Variants in FCSK observed in about 807,000 individuals in gnomAD.
The protein encoded by FCSK is L-fucose kinase.
Under a neutral mutation model 122.5 loss-of-function variants are expected in FCSK, and 123 were observed. That is an observed-to-expected ratio of 1.00 (90% CI 0.87 to 1.17). The LOEUF (loss-of-function observed/expected upper bound fraction) is 1.17, where lower values mean the gene tolerates loss of function less well. Among genes scored for constraint, FCSK ranks in the 50% most tolerant of loss-of-function variants. FCSK has a pLI of 0.00. For missense variants in FCSK, 1,366 were observed against 1,450.4 expected (o/e 0.94, Z 0.95); for synonymous variants, 620 against 625.5 (o/e 0.99, Z 0.13).
chr16:70,468,227 G>C (rs2048487308), intron 8 of FCSK, among the ~76,000 whole-genome samples: 1 of 152,180 alleles, frequency 6.6e-6, no homozygotes, highest in Non-Finnish European at 1.5e-5. Context: ...TTCGAGACCA[G>C]TCTGGGCAAC....
Position 70,478,443 on chromosome 16 carries a change from C to T in FCSK, c.2813C>T (p.Ala938Val). The T allele has an allele frequency of 6.2e-7, 1 of 1,614,076 alleles. No homozygotes were observed. The highest frequency in any genetic ancestry group is 8.5e-7 in the Non-Finnish European group (1 of 1,180,032). ...LLVYTGKTRL[A>V]RNLLQDVLRS... is the part of the protein sequence containing the mutation. Reference sequence around the variant, plus strand: ...GTGTACACTGGCAAGACCCGCCTGGCTCGGAACCTGCTGCAGGTGAGCTCT... The same window carrying T: ...GTGTACACTGGCAAGACCCGCCTGGTTCGGAACCTGCTGCAGGTGAGCTCT... The change falls in exon 21 of 24, where the codon GCT becomes GTT. Residue 938 changes from alanine (A) to valine (V), a missense_variant. Physicochemically the swap from Ala to Val is moderately conservative, Grantham distance 64. Transcript: ENST00000288078.
Position 70,470,376 on chromosome 16 carries a change from C to T in FCSK, c.1018C>T (p.Leu340Phe). ...TSSASEFLLS[L>F]TLPGAPGAQI... ...CTCAGCCAGTGAGTTCCTGCTCAGC[C>T]TCACACTCCCCGGGGCTCCTGGGGC... Residue 340 changes from leucine (L) to phenylalanine (F), a missense_variant, in exon 11 of 24, where the codon CTC becomes TTC. By Grantham distance (22) the Leu-to-Phe change is conservative. Transcript: ENST00000288078. The T allele has an allele frequency of 6.2e-7, 1 of 1,613,982 alleles. No individual in the cohort carries two copies. Among genetic ancestry groups the T allele is most frequent in the Non-Finnish European group, 8.5e-7 (1 of 1,179,996 alleles).
chr16:70,455,510 A>C (rs187565678), intron 1 of FCSK, among the ~76,000 whole-genome samples: 2 of 151,148 alleles, frequency 1.3e-5, no homozygotes, highest in Admixed American at 6.6e-5. Flanking sequence ...CAAACCAACA[A>C]CAACAACAAC....
chr16:70,461,049 G>A (rs1454490294), intron 1 of FCSK, among the ~76,000 whole-genome samples: 1 of 152,242 alleles, frequency 6.6e-6, no homozygotes, highest in Non-Finnish European at 1.5e-5. Context: ...CTGCTGGGCT[G>A]AGTAGGGAAT....
rs1006326414 is a variant in FCSK, at chr16:70,474,692, C to T, written c.2153C>T (p.Ser718Phe). The change falls in exon 17 of 24, where the codon TCT (serine) becomes TTT (phenylalanine). Residue 718 changes from serine to phenylalanine, a missense_variant and splice_region_variant. By Grantham distance (155) the Ser-to-Phe change is radical. Coordinates refer to ENST00000288078, the MANE Select transcript of FCSK (RefSeq NM_145059.3). ...VAECPARVDF[S>F]GGWSDTPPLA... ...GAGTGCCCGGCCCGTGTGGATTTCT[C>T]TGGTGAGCCCCTTGTGGCAGGTGGG... is the stretch of plus-strand genomic sequence containing the variant. 1.4e-5 allele frequency: 22 copies of T among 1,598,894 alleles called. No individual in the cohort carries two copies. The highest frequency in any genetic ancestry group is 5.3e-5 in the African/African-American group (4 of 74,782).
intron 14 of FCSK, 146 bp from the exon 15 acceptor site, chr16:70,472,837 C>A (rs2048671474): frequency 9.7e-7 from 1 of 1,027,894 alleles, no homozygotes; most frequent in African/African-American, 1.6e-5. Flanking sequence ...GGATGCCAGG[C>A]AGCCTGGCCC....
In FCSK at chr16:70,469,335, C is replaced by T. The variant is rs1354577313; in HGVS notation, c.955+12C>T. The T allele has an allele frequency of 6.3e-7, 1 of 1,575,168 alleles. No homozygotes were observed. Among genetic ancestry groups the T allele is most frequent in the East Asian group, 2.2e-5 (1 of 44,662 alleles). On this transcript the variant is annotated intron_variant, in intron 10 of 23. Coordinates refer to ENST00000288078, the MANE Select transcript of FCSK (RefSeq NM_145059.3). The stretch of plus-strand genomic sequence containing the variant: ...GCCCCTTACCATGGGTGGGTACTGC[C>T]TCTCAGCTCCCTGGGGTGGGGAGAC...
At chr16:70,472,655 C>A in intron 14 of FCSK, 50 bp downstream of exon 14, 1 of 1,447,048 alleles carries the variant, frequency 6.9e-7, no homozygotes, top group Non-Finnish European at 9.6e-7. Flanking sequence ...GCTGGGGTGG[C>A]TGCTGCTCTT....
intron 1 of FCSK, among the ~76,000 whole-genome samples, chr16:70,462,747 C>T (rs1473164557): frequency 2.0e-5 from 3 of 152,184 alleles, no homozygotes; most frequent in Admixed American, 6.6e-5. Context: ...TGGGTTCAAG[C>T]GATTCTCCTG....
In FCSK at chr16:70,479,861, G is replaced by A. The variant is rs998089085; in HGVS notation, c.*181G>A. 2.3e-5 allele frequency: 13 copies of A among 563,550 alleles called. No individual in the cohort carries two copies. The highest frequency in any genetic ancestry group is 1.5e-4 in the African/African-American group (8 of 53,252). 34.9% of individuals were successfully genotyped at this position (563,550 alleles called of 1,614,324 possible). On this transcript the variant is annotated 3_prime_UTR_variant, in exon 24 of 24. Transcript: ENST00000288078. ...GCCTGGGACAGGACTGTGACCTGGT[G>A]GACAGGGGCCTAGATGTAGCCTCTG...
At chr16:70,455,183 C>A (rs1212506058) in intron 1 of FCSK, among the ~76,000 whole-genome samples, 1 of 152,198 alleles carries the variant, frequency 6.6e-6, no homozygotes, top group African/African-American at 2.4e-5. Flanking sequence ...CCCTGACCCA[C>A]CTGTCTTCAA....
chr16:70,457,236 TG>T (rs948827958), intron 1 of FCSK, among the ~76,000 whole-genome samples: 1 of 152,040 alleles, frequency 6.6e-6, no homozygotes, highest in Non-Finnish European at 1.5e-5. Context: ...TCAGAACTTC[TG>T]GGCCATTGGA....
chr16:70,474,870 C>A lies in FCSK; in HGVS notation c.2236C>A (p.Arg746=). ...CCTGGCTGTGCGAGTGGACGGCCGC[C>A]GGCCCATCGGAGCCAGGGCACGCCG... is the stretch of plus-strand genomic sequence containing the variant. ...LGLAVRVDGR[R]PIGARARRIP... is the part of the protein sequence containing the mutation. The change falls in exon 18 of 24, where the codon CGG becomes AGG. Residue 746 remains arginine, a synonymous_variant. Coordinates refer to ENST00000288078, the MANE Select transcript of FCSK (RefSeq NM_145059.3). The A allele has an allele frequency of 6.3e-7, 1 of 1,599,520 alleles. No individual in the cohort carries two copies.
chr16:70,458,098 C>T (rs747492054), intron 1 of FCSK: 1 of 151,438 alleles, frequency 6.6e-6, no homozygotes, highest in Non-Finnish European at 1.5e-5. Context: ...AATCACAGCA[C>T]CTTAACTGTG....
intron 1 of FCSK, among the ~76,000 whole-genome samples, chr16:70,459,811 T>C (rs537627474): frequency 1.6e-4 from 25 of 151,966 alleles, no homozygotes; most frequent in African/African-American, 6.0e-4. Flanking sequence ...TCATCTTTTT[T>C]TTTTTTCGAG....
intron 6 of FCSK, 183 bp from the exon 7 acceptor site, chr16:70,467,191 G>C: frequency 1.6e-6 from 1 of 623,728 alleles, no homozygotes; most frequent in South Asian, 1.9e-5. Flanking sequence ...AGGGCTCTGC[G>C]GAAGAACTTT....
Position 70,470,451 on chromosome 16 carries a change from G to A in FCSK, c.1068+25G>A. On this transcript the variant is annotated intron_variant, in intron 11 of 23. Coordinates refer to ENST00000288078, the MANE Select transcript of FCSK (RefSeq NM_145059.3). ...GGTGAGACCTCCCTGCCCCTCCGGT[G>A]CCTGCTGGTTGTCTGGGGTCAGGTG... The A allele has an allele frequency of 2.1e-6, 3 of 1,439,516 alleles. 1 individual carries two copies. Among genetic ancestry groups the A allele is most frequent in the Non-Finnish European group, 2.9e-6 (3 of 1,028,990 alleles). The allele number at this position is 1,439,516 out of a possible 1,614,324, so 89.2% of individuals were successfully genotyped here.
chr16:70,457,012 T>C (rs2048111928), intron 1 of FCSK, among the ~76,000 whole-genome samples: 1 of 150,930 alleles, frequency 6.6e-6, no homozygotes, highest in African/African-American at 2.4e-5. Context: ...AGAGCGAGAC[T>C]CCATCTTAAA....
intron 15 of FCSK, 75 bp from the exon 16 acceptor site, chr16:70,474,054 T>C: frequency 7.1e-7 from 1 of 1,412,734 alleles, no homozygotes; most frequent in South Asian, 1.2e-5. Flanking sequence ...TTAGGGACTG[T>C]TGAGTAGCCT....
Sources: allele counts gnomAD v4.1 joint callset (sites outside exome capture counted in the v4.1 genomes callset), GRCh38; gene constraint gnomAD v4.1.1; transcripts MANE v1.5; gene names NCBI Gene and HGNC (gene_info 2026-07-23, HGNC 2026-07-21).